ZNRF1: variants seen among roughly 807,000 people sequenced by gnomAD.
The protein encoded by ZNRF1 is E3 ubiquitin-protein ligase ZNRF1.
In ZNRF1, 3 loss-of-function variants were observed where a neutral mutation model predicts 18.4. That is an observed-to-expected ratio of 0.16 (90% confidence interval 0.07 to 0.42). ZNRF1 has a LOEUF of 0.42. ZNRF1 is among the 10% of genes least tolerant of loss of function. ZNRF1 has a pLI of 0.99. For missense variants in ZNRF1, 310 were observed against 329.8 expected, an observed-to-expected ratio of 0.94 and a Z score of 0.47; for synonymous variants, 157 against 144.2, an observed-to-expected ratio of 1.09 and a Z score of -0.64.
intron 1 of ZNRF1, among the ~76,000 whole-genome samples, chr16:75,032,203 G>A (rs917641232): frequency 1.3e-5 from 2 of 148,548 alleles, no homozygotes; most frequent in South Asian, 2.1e-4. Flanking sequence ...TCCGTCTCCT[G>A]GGTTCAAGCA....
intron 1 of ZNRF1, among the ~76,000 whole-genome samples, chr16:75,058,826 G>A (rs896130422): frequency 6.6e-6 from 1 of 152,096 alleles, no homozygotes; most frequent in Non-Finnish European, 1.5e-5. Context: ...AAATAAATCG[G>A]TCTCATCCCC....
At chr16:75,008,218 A>G (rs1393813237) in intron 1 of ZNRF1, among the ~76,000 whole-genome samples, 2 of 152,054 alleles carry the variant, frequency 1.3e-5, no homozygotes, top group East Asian at 1.9e-4. Flanking sequence ...TTGCTAAGCA[A>G]TCTCTACAGC....
intron 1 of ZNRF1, among the ~76,000 whole-genome samples, chr16:75,066,312 G>A (rs1050099869): frequency 6.6e-6 from 1 of 152,118 alleles, no homozygotes; most frequent in Admixed American, 6.6e-5. Context: ...ATACAAGACT[G>A]GTTCAACATC....
chr16:75,029,412 T>C (rs577204916), intron 1 of ZNRF1, among the ~76,000 whole-genome samples: 2 of 152,146 alleles, frequency 1.3e-5, no homozygotes, highest in East Asian at 3.9e-4. Flanking sequence ...CTTCCCAAAG[T>C]GCTGGGATTA....
chr16:75,036,158 C>G (rs960980024), intron 1 of ZNRF1, among the ~76,000 whole-genome samples: 1 of 152,150 alleles, frequency 6.6e-6, no homozygotes, highest in African/African-American at 2.4e-5. Flanking sequence ...GCAGCCTTGA[C>G]CTCCTGGGCT....
At chr16:75,037,997 T>G (rs1422112180) in intron 1 of ZNRF1, among the ~76,000 whole-genome samples, 1 of 152,216 alleles carries the variant, frequency 6.6e-6, no homozygotes, top group Non-Finnish European at 1.5e-5. Context: ...CAAGCTTCTC[T>G]TATTCCTGAG....
chr16:75,031,667 T>G (rs1351790891), intron 1 of ZNRF1, among the ~76,000 whole-genome samples: 1 of 151,968 alleles, frequency 6.6e-6, no homozygotes, highest in African/African-American at 2.4e-5. Flanking sequence ...CCACCATGCC[T>G]GGCTAATTTT....
In ZNRF1 at chr16:75,109,734, G is replaced by A. The variant is rs1426266077; in HGVS notation, c.*2034G>A. The A allele has an allele frequency of 6.6e-6, 1 of 152,352 alleles. No homozygotes were observed. The highest frequency in any genetic ancestry group is 1.5e-5 in the Non-Finnish European group (1 of 68,124). 9.4% of individuals were successfully genotyped at this position (152,352 alleles called of 1,614,324 possible). A position where few individuals can be genotyped will look rare whatever the true frequency, so the allele number is the denominator to read the frequency against. On this transcript the variant is annotated 3_prime_UTR_variant, in exon 5 of 5. Coordinates refer to ENST00000335325, the MANE Select transcript of ZNRF1 (RefSeq NM_032268.5). Reference sequence around the variant, plus strand: ...CATCTGAACTTCAGATATTTCACATGTGAAGCGGGGACAAAACCATGCAGC... The same window carrying A: ...CATCTGAACTTCAGATATTTCACATATGAAGCGGGGACAAAACCATGCAGC...
chr16:75,089,245 G>C (rs1567492212), intron 1 of ZNRF1, among the ~76,000 whole-genome samples: 3 of 152,064 alleles, frequency 2.0e-5, no homozygotes, highest in East Asian at 3.9e-4. Context: ...TGGGATTAGA[G>C]GCATGCACCA....
At chr16:75,028,083 T>G (rs895247545) in intron 1 of ZNRF1, among the ~76,000 whole-genome samples, 3 of 152,194 alleles carry the variant, frequency 2.0e-5, no homozygotes, top group African/African-American at 7.2e-5. Context: ...TACCTCCATT[T>G]GCAAACAAAA....
intron 1 of ZNRF1, among the ~76,000 whole-genome samples, chr16:75,042,210 T>C (rs369273545): frequency 6.6e-6 from 1 of 152,200 alleles, no homozygotes; most frequent in East Asian, 1.9e-4. Context: ...TATTTGCTTA[T>C]ATGGTATCTT....
chr16:75,061,684 A>C (rs778824080), intron 1 of ZNRF1, among the ~76,000 whole-genome samples: 1 of 152,274 alleles, frequency 6.6e-6, no homozygotes, highest in East Asian at 1.9e-4. Context: ...TTGATTTTGC[A>C]TGTGTGTGTG....
At chr16:75,000,258 AAC>A (rs2034826299) in intron 1 of ZNRF1, 163 bp downstream of exon 1, 1 of 1,074,612 alleles carries the variant, frequency 9.3e-7, no homozygotes, top group South Asian at 1.3e-5. Flanking sequence ...ACCGTCTGGA[AAC>A]TAGGCTTTCT....
chr16:75,023,209 A>G (rs985021859), intron 1 of ZNRF1, among the ~76,000 whole-genome samples: 6 of 152,218 alleles, frequency 3.9e-5, no homozygotes, highest in South Asian at 2.1e-4. Flanking sequence ...TAATTAACTC[A>G]TCTTTTCTCT....
intron 1 of ZNRF1, among the ~76,000 whole-genome samples, chr16:75,001,163 G>C (rs1035343525): frequency 2.0e-5 from 3 of 152,208 alleles, no homozygotes; most frequent in Non-Finnish European, 4.4e-5. Context: ...AATTTAGATA[G>C]TGTAGGGGAA....
intron 1 of ZNRF1, among the ~76,000 whole-genome samples, chr16:75,030,833 C>T (rs2035292098): frequency 2.2e-5 from 2 of 91,408 alleles, no homozygotes; most frequent in African/African-American, 7.2e-5. Flanking sequence ...CACTTTATTC[C>T]TTTTTTTTTT....
chr16:75,038,783 A>G (rs534593959), intron 1 of ZNRF1, among the ~76,000 whole-genome samples: 1 of 152,306 alleles, frequency 6.6e-6, no homozygotes, highest in Non-Finnish European at 1.5e-5. Flanking sequence ...ATGGCATTCC[A>G]GTGTGCAAGA....
chr16:75,033,470 C>T (rs180764144), intron 1 of ZNRF1, among the ~76,000 whole-genome samples: 56 of 146,960 alleles, frequency 3.8e-4, no homozygotes, highest in Middle Eastern at 3.5e-3. Flanking sequence ...GACAGCGTCT[C>T]GCTCTGTCAC....
In ZNRF1 at chr16:74,999,544, CT is replaced by C. The variant is rs1206978347; in HGVS notation, c.-124del. On this transcript the variant is annotated 5_prime_UTR_variant, in exon 1 of 5. Transcript: ENST00000335325. ...TCCTTTTTTCCTTTTGCTTTTTTTC[CT>C]TTTCTCCCTCCGGGTCTCCTTTTTG... 1 of 685,218 alleles carries C rather than the reference CT, an allele frequency of 1.5e-6. No homozygotes were observed. The highest frequency in any genetic ancestry group is 3.4e-5 in the East Asian group (1 of 29,206). 42.4% of individuals were successfully genotyped at this position (685,218 alleles called of 1,614,324 possible).
Sources: allele counts gnomAD v4.1 joint callset (sites outside exome capture counted in the v4.1 genomes callset), GRCh38; gene constraint gnomAD v4.1.1; transcripts MANE v1.5; gene names NCBI Gene and HGNC (gene_info 2026-07-23, HGNC 2026-07-21).